Variants in GABRA2 observed in about 807,000 individuals in gnomAD.
GABRA2 encodes gamma-aminobutyric acid type A receptor subunit alpha2, also known as gamma-aminobutyric acid receptor subunit alpha-2.
Under a neutral mutation model 48.7 loss-of-function variants are expected in GABRA2, and 16 were observed. The ratio of observed to expected loss-of-function variants is 0.33; its 90% CI spans 0.22 to 0.50. GABRA2 has a LOEUF of 0.50. GABRA2 is among the 20% of genes least tolerant of loss of function. GABRA2 has a pLI of 0.98. For missense variants in GABRA2, 275 were observed against 535.6 expected (o/e 0.51, Z 4.80); for synonymous variants, 185 against 184.5 (o/e 1.00, Z -0.02).
At chr4:46,307,145 T>TATGAATGA (rs1726840719) in intron 6 of GABRA2, among the ~76,000 whole-genome samples, 2 of 152,076 alleles carry the variant, frequency 1.3e-5, no homozygotes, top group Admixed American at 1.3e-4. Context: ...TATGATTTGA[T>TATGAATGA]ATGAATGAAT....
At chr4:46,257,739 A>G (rs1716120501) in intron 9 of GABRA2, among the ~76,000 whole-genome samples, 1 of 151,644 alleles carries the variant, frequency 6.6e-6, no homozygotes, top group African/African-American at 2.4e-5. Context: ...GTAGAGATAG[A>G]TAAGAAGAAG....
At chr4:46,352,976 A>G (rs973077080) in intron 3 of GABRA2, among the ~76,000 whole-genome samples, 5 of 152,040 alleles carry the variant, frequency 3.3e-5, no homozygotes, top group African/African-American at 1.2e-4. Flanking sequence ...TTGTCTCCAT[A>G]CACTTTAAAG....
rs1449242788 is a variant in GABRA2, at chr4:46,386,173, T to C, written c.88A>G (p.Ile30Val). ...TTATTTTTAGCCTCATCTTCTTGGA[T>C]GTTAGCCAGCACCAACCTAAACAGA... Reference protein sequence around the residue: ...WDPARLVLANIQEDEAKNNIT... With the variant: ...WDPARLVLANVQEDEAKNNIT... Residue 30 changes from isoleucine (I) to valine (V), a missense_variant, in exon 3 of 10, where the codon ATC (isoleucine) becomes GTC (valine). Coordinates refer to ENST00000381620, the MANE Select transcript of GABRA2 (RefSeq NM_000807.4). The C allele has an allele frequency of 6.2e-7, 1 of 1,609,088 alleles. No homozygotes were observed. Among genetic ancestry groups the C allele is most frequent in the Admixed American group, 1.7e-5 (1 of 59,304 alleles).
intron 3 of GABRA2, among the ~76,000 whole-genome samples, chr4:46,341,820 T>A (rs565590298): frequency 6.6e-6 from 1 of 152,150 alleles, no homozygotes; most frequent in Non-Finnish European, 1.5e-5. Flanking sequence ...GTCCTCAGTT[T>A]TTTTCTTTAG....
At chr4:46,390,200 C>CA (rs1718080100), upstream of GABRA2, 6 of 62,986 alleles carry the variant, frequency 9.5e-5, no homozygotes, top group African/African-American at 2.8e-4. Context: ...CCCTCCCCCC[C>CA]CTCCCCCCCC....
At chr4:46,300,248 T>C (rs774880440) in intron 8 of GABRA2, among the ~76,000 whole-genome samples, 1 of 151,968 alleles carries the variant, frequency 6.6e-6, no homozygotes, top group Non-Finnish European at 1.5e-5. Context: ...ATTCATTCAA[T>C]GCATTTTAGA....
intron 8 of GABRA2, among the ~76,000 whole-genome samples, chr4:46,272,792 G>T (rs578006004): frequency 6.9e-4 from 105 of 152,102 alleles, no homozygotes; most frequent in Admixed American, 1.2e-3. Flanking sequence ...AAGAAATAAG[G>T]GTTTCATGAA....
intron 3 of GABRA2, among the ~76,000 whole-genome samples, chr4:46,340,536 T>A (rs545204989): frequency 6.6e-6 from 1 of 152,030 alleles, no homozygotes; most frequent in Non-Finnish European, 1.5e-5. Context: ...TTTTGTCAAA[T>A]TATTGTTTTT....
At chr4:46,357,739 C>T (rs1252681074) in intron 3 of GABRA2, among the ~76,000 whole-genome samples, 1 of 149,432 alleles carries the variant, frequency 6.7e-6, no homozygotes, top group Non-Finnish European at 1.5e-5. Context: ...CAGCTCACTG[C>T]AACCTCTGTC....
At chr4:46,377,617 C>A (rs1212053158) in intron 3 of GABRA2, among the ~76,000 whole-genome samples, 1 of 150,764 alleles carries the variant, frequency 6.6e-6, no homozygotes, top group African/African-American at 2.4e-5. Context: ...GGGTCAGCCC[C>A]CCGCCCGGCT....
At chr4:46,260,427 A>T (rs1716722940) in intron 9 of GABRA2, among the ~76,000 whole-genome samples, 1 of 151,872 alleles carries the variant, frequency 6.6e-6, no homozygotes, top group South Asian at 2.1e-4. Flanking sequence ...TGTTTTTCAC[A>T]TTTAGAGGTA....
chr4:46,327,340 T>A (rs1042817896), intron 4 of GABRA2, among the ~76,000 whole-genome samples: 1 of 151,940 alleles, frequency 6.6e-6, no homozygotes, highest in Non-Finnish European at 1.5e-5. Flanking sequence ...AATCTAAGTA[T>A]CTATAAATCA....
intron 3 of GABRA2, chr4:46,365,938 A>G (rs1484970623): frequency 6.6e-6 from 1 of 152,140 alleles, no homozygotes; most frequent in Non-Finnish European, 1.5e-5. Flanking sequence ...CATGTATCAT[A>G]TTACTTCAAT....
chr4:46,384,493 AACAGGTAGTTTCT>A, intron 3 of GABRA2, among the ~76,000 whole-genome samples: 1 of 152,312 alleles, frequency 6.6e-6, no homozygotes, highest in African/African-American at 2.4e-5. Context: ...TAAGTCCTCA[AACAGGTAGTTTCT>A]ACTACCTAAC....
At position 46,262,967 on chromosome 4, in the gene GABRA2, AGAGAGAGAGAGG is replaced by A. The variant is rs1461081551; in HGVS notation, c.857-851_857-840del. On this transcript the variant is annotated intron_variant, in intron 8 of 9. Coordinates refer to ENST00000381620, the MANE Select transcript of GABRA2 (RefSeq NM_000807.4). ...GAAAGAAAGAAAGAAAGAGAGAGAG[AGAGAGAGAGAGG>A]GAGGGAGGGAGGGAGAGAGAGAAAG... Among the ~76,000 whole-genome samples, 197 of 144,294 alleles carry A rather than the reference AGAGAGAGAGAGG, an allele frequency of 1.4e-3. 1 individual carries two copies. Among genetic ancestry groups the A allele is most frequent in the African/African-American group, 4.7e-3 (188 of 39,786 alleles). The allele number at this position is 144,294 out of a possible 152,430, so 94.7% of individuals were successfully genotyped here.
At chr4:46,313,153 AAAT>A (rs1727948918) in intron 4 of GABRA2, among the ~76,000 whole-genome samples, 1 of 148,430 alleles carries the variant, frequency 6.7e-6, no homozygotes, top group Non-Finnish European at 1.5e-5. Flanking sequence ...ATAAATAAAT[AAAT>A]AAAATTTTTA....
chr4:46,265,900 A>G (rs1220591899), intron 8 of GABRA2, among the ~76,000 whole-genome samples: 1 of 151,410 alleles, frequency 6.6e-6, no homozygotes, highest in East Asian at 2.0e-4. Flanking sequence ...ATTTTCTAAA[A>G]CCTCTTGTGA....
chr4:46,278,038 T>C (rs1720832812), intron 8 of GABRA2, among the ~76,000 whole-genome samples: 1 of 152,186 alleles, frequency 6.6e-6, no homozygotes, highest in Non-Finnish European at 1.5e-5. Flanking sequence ...TAGTCAGATA[T>C]AAAAAATGTA....
At chr4:46,387,435 C>G (rs1471024534) in intron 2 of GABRA2, among the ~76,000 whole-genome samples, 1 of 152,106 alleles carries the variant, frequency 6.6e-6, no homozygotes, top group Non-Finnish European at 1.5e-5. Flanking sequence ...CAACTTCAAA[C>G]AAATATTGTC....
Sources: gnomAD v4.1 joint callset for allele counts (sites outside exome capture counted in the v4.1 genomes callset) on GRCh38, gnomAD v4.1.1 for gene constraint, MANE v1.5 for transcripts, NCBI Gene and HGNC (gene_info 2026-07-23, HGNC 2026-07-21) for gene names.